The following DNAH2 variants were observed in gnomAD, a reference collection of about 807,000 sequenced individuals.
DNAH2 encodes dynein axonemal heavy chain 2, also known as axonemal beta dynein heavy chain 2.
A neutral mutation model predicts 523.5 loss-of-function variants in DNAH2; 323 were observed. That is an observed-to-expected ratio of 0.62 (90% CI 0.56 to 0.68). The LOEUF is 0.68. Ranked by LOEUF, DNAH2 falls within the 30% of genes least tolerant of loss-of-function variation. DNAH2 has a pLI of 0.00. For synonymous variants in DNAH2, 2,093 were observed against 2,177.4 expected (o/e 0.96, Z 1.08); for missense variants, 4,907 against 5,701.5 (o/e 0.86, Z 4.49).
At chr17:7,771,203 A>G (rs1275626437) in intron 27 of DNAH2, 127 bp from the exon 28 acceptor site, 6 of 1,391,490 alleles carry the variant, frequency 4.3e-6, no homozygotes, top group African/African-American at 4.3e-5. Flanking sequence ...GAACTTGGGC[A>G]TCTTGGCCTT....
In DNAH2 at chr17:7,807,598, G is replaced by A. The variant is rs114843809; in HGVS notation, c.9729+12G>A. ...AGAAGCTGCGGGAGGTGAGCTGATC[G>A]CCTGTCCTTTCCACGGAGGTCCCTC... is the stretch of plus-strand genomic sequence containing the variant. On this transcript the variant is annotated intron_variant, in intron 63 of 85. Coordinates refer to ENST00000572933, the MANE Select transcript of DNAH2 (RefSeq NM_020877.5). The surrounding 1 kb of genome is among the most constrained non-coding windows in gnomAD (Gnocchi z 5.6). The A allele has an allele frequency of 2.4e-3, 3,928 of 1,606,334 alleles. 58 individuals are homozygous for A. The African/African-American group carries it at 0.034, about 14-fold the overall frequency.
rs200490783 is a variant in DNAH2 at position 7,766,377 on chromosome 17, G to T, written c.3571G>T (p.Ala1191Ser). The T allele has an allele frequency of 6.2e-7, 1 of 1,613,980 alleles. No individual in the cohort carries two copies. The highest frequency in any genetic ancestry group is 8.5e-7 in the Non-Finnish European group (1 of 1,180,018). ...CTTAGACCAGATTACACAAGTGCGG[G>T]CCATGCTGATGGCCATGCGGGAAGA... is the stretch of plus-strand genomic sequence containing the variant. The part of the protein sequence containing the change: ...SALDQITQVR[A>S]MLMAMREEEN... Residue 1191 changes from alanine to serine, a missense_variant, in exon 22 of 86, where the codon GCC becomes TCC. This residue lies in a region of DNAH2 where 2,806 missense variants were observed against 3,190.8 expected (regional missense o/e 0.88). Transcript: ENST00000572933.
chr17:7,749,660 C>A (rs2075630486), intron 12 of DNAH2, among the ~76,000 whole-genome samples: 1 of 151,976 alleles, frequency 6.6e-6, no homozygotes, highest in Non-Finnish European at 1.5e-5. Flanking sequence ...TGTTATAGTT[C>A]TTTTGCTTGT....
At position 7,780,281 on chromosome 17, in the gene DNAH2, C is replaced by G. The variant is rs778747973; in HGVS notation, c.5847C>G (p.Cys1949Trp). ...TCTTTGGAGAGGGCTTTGGCAACTG[C>G]AAGGTACTCCAATAACCCCTTTTCT... ...IILFGEGFGNCKILAKKVYTL... is the reference protein window; with the variant it reads ...IILFGEGFGNWKILAKKVYTL... Residue 1949 changes from cysteine to tryptophan, a missense_variant, in exon 37 of 86, where the codon TGC becomes TGG. Coordinates refer to ENST00000572933, the MANE Select transcript of DNAH2 (RefSeq NM_020877.5). This position sits in a 1 kb window ranked among gnomAD's most constrained non-coding sequence, Gnocchi z 4.4. 3.1e-6 allele frequency: 5 copies of G among 1,614,092 alleles called. No homozygotes were observed. In the South Asian group the frequency reaches 5.5e-5, roughly 18 times the overall value.
Position 7,770,236 on chromosome 17 carries a change from C to G in DNAH2, c.3942-16C>G. 6.3e-7 allele frequency: 1 copy of G among 1,589,010 alleles called. No individual in the cohort carries two copies. Among genetic ancestry groups the G allele is most frequent in the African/African-American group, 1.3e-5 (1 of 74,476 alleles). On this transcript the variant is annotated splice_polypyrimidine_tract_variant and intron_variant, in intron 24 of 85. Transcript: ENST00000572933. Reference sequence around the variant, plus strand: ...GTAACTCTCCTGACCTCACACCCTCCTGTTCCTGGCTGCAGGCACTGGGAC... The same window carrying G: ...GTAACTCTCCTGACCTCACACCCTCGTGTTCCTGGCTGCAGGCACTGGGAC...
intron 12 of DNAH2, among the ~76,000 whole-genome samples, chr17:7,751,671 A>G (rs2151179233): frequency 6.6e-6 from 1 of 152,188 alleles, no homozygotes; most frequent in Admixed American, 6.5e-5. Context: ...GGGATTCTCT[A>G]TTCTGGTATC....
chr17:7,756,222 A>G (rs903345037), intron 12 of DNAH2, among the ~76,000 whole-genome samples: 2 of 151,768 alleles, frequency 1.3e-5, no homozygotes, highest in African/African-American at 2.4e-5. Flanking sequence ...CCTGGGTGAC[A>G]GAGTGGGACT....
Position 7,742,109 on chromosome 17 carries a change from A to C in DNAH2, c.1690-819A>C, listed in dbSNP as rs564793399. On this transcript the variant is annotated intron_variant, in intron 11 of 85. Transcript: ENST00000572933. ...CCTGGTCTCTCTGGAAAGACAGCAC[A>C]AAGAAACAACAGAAAAACATTGTTT... 1.2e-4 allele frequency among the ~76,000 whole-genome samples: 18 copies of C among 152,258 alleles called. No individual in the cohort carries two copies. In the South Asian group the frequency reaches 3.7e-3, roughly 32 times the overall value.
chr17:7,756,530 C>T (rs1013409554), intron 12 of DNAH2, among the ~76,000 whole-genome samples: 1 of 152,012 alleles, frequency 6.6e-6, no homozygotes, highest in African/African-American at 2.4e-5. Flanking sequence ...CTACCTCAGC[C>T]TCCCAAAGTG....
In DNAH2 at chr17:7,817,375, A is replaced by G. The variant is rs1357292902; in HGVS notation, c.9980A>G (p.Asn3327Ser). The G allele has an allele frequency of 6.2e-7, 1 of 1,613,596 alleles. No individual in the cohort carries two copies. ...TCCTACATGGGACCCTTCCTGACCA[A>G]CTACCGGGATGAGATTGTCAACCAA... is the stretch of plus-strand genomic sequence containing the variant. ...FLSYMGPFLT[N>S]YRDEIVNQIW... The change falls in exon 65 of 86, where the codon AAC becomes AGC. Residue 3327 changes from asparagine to serine, a missense_variant. This residue lies in a region of DNAH2 where 1,851 missense variants were observed against 2,139.4 expected (regional missense o/e 0.87). Transcript: ENST00000572933.
chr17:7,802,918 C>T (rs534738171), intron 58 of DNAH2, among the ~76,000 whole-genome samples: 50 of 152,066 alleles, frequency 3.3e-4, no homozygotes, highest in Non-Finnish European at 4.7e-4. Flanking sequence ...GGTGATCCTC[C>T]GGCCTTGGCC....
chr17:7,783,406 C>A (rs984403145), intron 39 of DNAH2, among the ~76,000 whole-genome samples: 1 of 152,048 alleles, frequency 6.6e-6, no homozygotes, highest in Admixed American at 6.6e-5. Context: ...GAAATTGATA[C>A]CCGATGTGAA....
chr17:7,741,244 TTC>T (rs1464410019), intron 11 of DNAH2, among the ~76,000 whole-genome samples: 1 of 29,740 alleles, frequency 3.4e-5, no homozygotes, highest in Non-Finnish European at 6.0e-5. Flanking sequence ...CTCTCTTTCT[TTC>T]TTTCTTTCTT....
Position 7,795,983 on chromosome 17 carries a change from A to AGT in DNAH2, c.7675-480_7675-479dup, listed in dbSNP as rs555474096. Among the ~76,000 whole-genome samples the AGT allele has an allele frequency of 2.8e-3, 417 of 147,706 alleles. 2 individuals are homozygous for AGT. Among genetic ancestry groups the AGT allele is most frequent in the Middle Eastern group, 0.011 (3 of 280 alleles). On this transcript the variant is annotated intron_variant, in intron 49 of 85. Transcript: ENST00000572933. ...TAAATATAAATATGTATAAATATAT[A>AGT]GTATATATATATATAGTGTTATATA...
At chr17:7,736,938 C>T (rs376485831) in intron 7 of DNAH2, 129 bp from the exon 8 acceptor site, 315 of 804,480 alleles carry the variant, frequency 3.9e-4, no homozygotes, top group Non-Finnish European at 5.3e-4. Context: ...GCTGAGATCG[C>T]GCCATTGCAC....
At chr17:7,730,067 A>G (rs1597465333) in intron 4 of DNAH2, among the ~76,000 whole-genome samples, 1 of 152,030 alleles carries the variant, frequency 6.6e-6, no homozygotes, top group African/African-American at 2.4e-5. Flanking sequence ...CTGAATGAAC[A>G]GGAGGAGATT....
rs748626388 is a variant in DNAH2 at position 7,776,782 on chromosome 17, G to T, written c.4951G>T (p.Val1651Leu). Residue 1651 changes from valine to leucine, a missense_variant, in exon 32 of 86, where the codon GTG (valine) becomes TTG (leucine). Transcript: ENST00000572933. ...KWVKEWAGQV[V>L]ITASQIQWTA... ...CGTGGCTTCTGCACATCCCCAGGTG[G>T]TGATCACTGCCAGTCAGATCCAGTG... 6.2e-7 allele frequency: 1 copy of T among 1,611,986 alleles called. No homozygotes were observed. The highest frequency in any genetic ancestry group is 1.1e-5 in the South Asian group (1 of 91,012).
At chr17:7,804,168 C>T (rs544380069) in intron 58 of DNAH2, 88 bp from the exon 59 acceptor site, 9 of 1,383,772 alleles carry the variant, frequency 6.5e-6, no homozygotes, top group South Asian at 5.1e-5. Context: ...AAGGCGGACT[C>T]GAGACACACG....
intron 56 of DNAH2, among the ~76,000 whole-genome samples, chr17:7,799,734 C>T (rs1343390735): frequency 6.6e-6 from 1 of 152,156 alleles, no homozygotes; most frequent in Non-Finnish European, 1.5e-5. Flanking sequence ...AGGAGAATCG[C>T]TTGAACCCGG....
Sources: allele counts gnomAD v4.1 joint callset (sites outside exome capture counted in the v4.1 genomes callset), GRCh38; gene constraint gnomAD v4.1.1; regional missense constraint gnomAD v4.1.1; non-coding constraint Gnocchi (gnomAD v3.1); transcripts MANE v1.5; gene names NCBI Gene and HGNC (gene_info 2026-07-23, HGNC 2026-07-21).